CTDSPL2: variants seen among roughly 807,000 people sequenced by gnomAD.
CTDSPL2 encodes the protein CTD small phosphatase like 2.
A neutral mutation model predicts 60.0 loss-of-function variants in CTDSPL2; 5 were observed. The ratio of observed to expected loss-of-function variants is 0.08; its 90% confidence interval spans 0.04 to 0.18. CTDSPL2 has a LOEUF of 0.18. Ranked by LOEUF, CTDSPL2 falls within the 10% of genes least tolerant of loss-of-function variation. The probability of loss-of-function intolerance (pLI) is 1.00; values close to 1 mark genes in which losing one functional copy is unlikely to be tolerated. For synonymous variants in CTDSPL2, 186 were observed against 189.3 expected (o/e 0.98, Z 0.14); for missense variants, 370 against 548.8 (o/e 0.67, Z 3.26).
Position 44,439,121 on chromosome 15 carries a change from A to ATATTATTAT in CTDSPL2, c.-25+11363_-25+11371dup, listed in dbSNP as rs151096962. On this transcript the variant is annotated intron_variant, in intron 1 of 12. Coordinates refer to ENST00000260327, the MANE Select transcript of CTDSPL2 (RefSeq NM_016396.3). Reference sequence around the variant, plus strand: ...AAGCATACTCATTTTCCCAAGCTTTATATTATTATTATTATTATTATTGTT... The same window carrying ATATTATTAT: ...AAGCATACTCATTTTCCCAAGCTTTATATTATTATTATTATTATTATTATTATTATTGTT... 5.5e-3 allele frequency among the ~76,000 whole-genome samples: 823 copies of ATATTATTAT among 149,016 alleles called. 9 individuals carry two copies. The highest frequency in any genetic ancestry group is 0.018 in the African/African-American group (710 of 39,942).
chr15:44,445,640 T>C (rs1341670372), intron 1 of CTDSPL2, among the ~76,000 whole-genome samples: 1 of 152,032 alleles, frequency 6.6e-6, no homozygotes, highest in Non-Finnish European at 1.5e-5. Context: ...AGCTTTTTTT[T>C]TGCTTTTTTT....
chr15:44,504,104 T>C (rs1166489130), intron 8 of CTDSPL2, among the ~76,000 whole-genome samples: 1 of 152,014 alleles, frequency 6.6e-6, no homozygotes, highest in Non-Finnish European at 1.5e-5. Flanking sequence ...TCCCAGCACT[T>C]TGGGAGGCGG....
intron 8 of CTDSPL2, among the ~76,000 whole-genome samples, chr15:44,513,071 CA>C (rs1182992155): frequency 1.4e-3 from 136 of 99,152 alleles, no homozygotes; most frequent in African/African-American, 2.7e-3. Context: ...GACTCCTTCT[CA>C]AAAAAAAAAA....
intron 8 of CTDSPL2, among the ~76,000 whole-genome samples, chr15:44,506,012 G>A (rs978988861): frequency 1.4e-5 from 2 of 143,738 alleles, no homozygotes; most frequent in Admixed American, 6.8e-5. Context: ...TGAAAATTAT[G>A]CTTCATTGGT....
At chr15:44,463,666 T>A (rs1260609984) in intron 2 of CTDSPL2, among the ~76,000 whole-genome samples, 3 of 152,238 alleles carry the variant, frequency 2.0e-5, no homozygotes, top group African/African-American at 7.2e-5. Context: ...TTGTCACATA[T>A]TAGTCTTAAT....
At chr15:44,468,936 GTACTCC>G (rs1170801570) in intron 2 of CTDSPL2, among the ~76,000 whole-genome samples, 3 of 152,100 alleles carry the variant, frequency 2.0e-5, no homozygotes, top group African/African-American at 7.2e-5. Flanking sequence ...TGTATATGCT[GTACTCC>G]TGTTAGTCAC....
chr15:44,432,411 C>T (rs1462475934), intron 1 of CTDSPL2, among the ~76,000 whole-genome samples: 1 of 151,794 alleles, frequency 6.6e-6, no homozygotes, highest in African/African-American at 2.4e-5. Flanking sequence ...CCTCCGCCTC[C>T]CGGGTTCAAG....
At position 44,496,472 on chromosome 15, in the gene CTDSPL2, TTC is replaced by T. The variant is rs774115551; in HGVS notation, c.770+18_770+19del. On this transcript the variant is annotated intron_variant, in intron 6 of 12. Transcript: ENST00000260327. Reference sequence around the variant, plus strand: ...AGTATTTGACCCGTGAGTTGCTTTTTTCTCTTTTTTTCTTTCCTTTTTGGAGC... The same window carrying T: ...AGTATTTGACCCGTGAGTTGCTTTTTTCTTTTTTTCTTTCCTTTTTGGAGC... 5 of 1,598,154 alleles carry T rather than the reference TTC, an allele frequency of 3.1e-6. No individual in the cohort carries two copies. In the South Asian group the frequency reaches 5.5e-5, roughly 18 times the overall value.
In CTDSPL2 at chr15:44,496,426, C is replaced by T. The variant is rs747083553; in HGVS notation, c.738C>T (p.Ala246=). The T allele has an allele frequency of 3.1e-6, 5 of 1,613,892 alleles. No homozygotes were observed. Among genetic ancestry groups the T allele is most frequent in the Non-Finnish European group, 4.2e-6 (5 of 1,179,876 alleles). ...DSGYSSAHAE[A]TYEEDWEVFD... ...GTTATTCATCAGCCCACGCGGAGGC[C>T]ACCTATGAAGAAGACTGGGAAGTAT... Residue 246 remains alanine, a synonymous_variant, in exon 6 of 13, where the codon GCC becomes GCT. Transcript: ENST00000260327.
chr15:44,482,407 T>G (rs2081045387), intron 2 of CTDSPL2, among the ~76,000 whole-genome samples: 1 of 152,210 alleles, frequency 6.6e-6, no homozygotes, highest in African/African-American at 2.4e-5. Context: ...TCCATAAGTT[T>G]TGTTACTTTT....
chr15:44,509,274 T>C (rs1484885665), intron 8 of CTDSPL2, among the ~76,000 whole-genome samples: 1 of 152,256 alleles, frequency 6.6e-6, no homozygotes, highest in Middle Eastern at 3.4e-3. Flanking sequence ...TGATCTCAGC[T>C]CAGTGCAACC....
intron 1 of CTDSPL2, among the ~76,000 whole-genome samples, chr15:44,456,196 A>C (rs1270514147): frequency 2.0e-5 from 3 of 152,090 alleles, no homozygotes; most frequent in African/African-American, 7.2e-5. Context: ...TATTGGTCTA[A>C]AATTCTCTTT....
chr15:44,486,687 A>G lies in CTDSPL2; in HGVS notation c.462A>G (p.Pro154=), dbSNP rs369625905. 8 of 1,584,764 alleles carry G rather than the reference A, an allele frequency of 5.0e-6. No individual in the cohort carries two copies. In the African/African-American group the frequency reaches 8.2e-5, roughly 16 times the overall value. ...IFSPVFNFFS[P]ANKNGTSGSD... ...CACCTGTCTTCAACTTTTTTTCACCAGCAAATAAAAATGGTAAGTATAAAC... is the reference window on the plus strand; with the variant it reads ...CACCTGTCTTCAACTTTTTTTCACCGGCAAATAAAAATGGTAAGTATAAAC... The change falls in exon 4 of 13, where the codon CCA becomes CCG. Residue 154 remains proline (P), a synonymous_variant. Coordinates refer to ENST00000260327, the MANE Select transcript of CTDSPL2 (RefSeq NM_016396.3).
At chr15:44,481,435 G>A (rs1283688628) in intron 2 of CTDSPL2, among the ~76,000 whole-genome samples, 3 of 152,110 alleles carry the variant, frequency 2.0e-5, no homozygotes, top group African/African-American at 7.2e-5. Flanking sequence ...CATAGTAGGG[G>A]GGAGGGGTTT....
At chr15:44,503,332 A>G (rs751447608) in intron 8 of CTDSPL2, 2 of 152,258 alleles carry the variant, frequency 1.3e-5, no homozygotes, top group Non-Finnish European at 2.9e-5. Context: ...TTTATTGCAC[A>G]TGTTTAATCT....
At chr15:44,519,089 C>A in intron 10 of CTDSPL2, 80 bp from the exon 11 acceptor site, 2 of 893,284 alleles carry the variant, frequency 2.2e-6, no homozygotes, top group Non-Finnish European at 3.1e-6. Context: ...ACTATAAAGC[C>A]TATGGTGTAT....
chr15:44,468,562 G>A (rs945677461), intron 2 of CTDSPL2, among the ~76,000 whole-genome samples: 12 of 152,096 alleles, frequency 7.9e-5, no homozygotes, highest in African/African-American at 2.9e-4. Flanking sequence ...GCTTCTTGAA[G>A]TGAGAGCTTA....
At chr15:44,518,744 AC>A (rs1411137310) in intron 10 of CTDSPL2, 16 of 152,792 alleles carry the variant, frequency 1.0e-4, no homozygotes, top group African/African-American at 3.8e-4. Flanking sequence ...CCACTGACTT[AC>A]TGTGTGACCT....
chr15:44,487,094 C>A (rs368705479), intron 4 of CTDSPL2, among the ~76,000 whole-genome samples: 1 of 152,158 alleles, frequency 6.6e-6, no homozygotes, highest in East Asian at 1.9e-4. Context: ...TTAAAAAGAT[C>A]TTTTTTATTT....
Sources: gnomAD v4.1 joint callset for allele counts (sites outside exome capture counted in the v4.1 genomes callset) on GRCh38, gnomAD v4.1.1 for gene constraint, MANE v1.5 for transcripts, NCBI Gene and HGNC (gene_info 2026-07-23, HGNC 2026-07-21) for gene names.